The following CDKAL1 variants were observed in gnomAD, a reference collection of about 807,000 sequenced individuals.
The protein encoded by CDKAL1 is CDKAL1 threonylcarbamoyladenosine tRNA methylthiotransferase.
A neutral mutation model predicts 68.2 loss-of-function variants in CDKAL1; 32 were observed. The ratio of observed to expected loss-of-function variants is 0.47; its 90% CI spans 0.35 to 0.63. The LOEUF is 0.63. Ranked by LOEUF, CDKAL1 falls within the 30% of genes least tolerant of loss-of-function variation. CDKAL1 has a pLI of 0.00. For missense variants in CDKAL1, 606 were observed against 696.7 expected (o/e 0.87, Z 1.47); for synonymous variants, 234 against 244.3 (o/e 0.96, Z 0.39).
rs550564734 is a variant in CDKAL1, at chr6:21,189,119, G to C, written c.1300-8902G>C. ...TCTTCCTCTTACTGGGGTAGACACGGCTAGAAGAAAACCAACCAGCGTGAA... is the reference window on the plus strand; with the variant it reads ...TCTTCCTCTTACTGGGGTAGACACGCCTAGAAGAAAACCAACCAGCGTGAA... On this transcript the variant is annotated intron_variant, in intron 13 of 15. Coordinates refer to ENST00000274695, the MANE Select transcript of CDKAL1 (RefSeq NM_017774.3). 5.3e-5 allele frequency among the ~76,000 whole-genome samples: 8 copies of C among 152,324 alleles called. No homozygotes were observed. In the East Asian group the frequency reaches 1.5e-3, roughly 29 times the overall value.
intron 11 of CDKAL1, among the ~76,000 whole-genome samples, chr6:21,023,425 G>A (rs1441560042): frequency 1.3e-5 from 2 of 152,144 alleles, no homozygotes; most frequent in African/African-American, 4.8e-5. Context: ...AGGAGACTTT[G>A]AGGGCAGTGT....
chr6:20,720,286 G>T (rs527503413), intron 5 of CDKAL1, among the ~76,000 whole-genome samples: 9 of 152,094 alleles, frequency 5.9e-5, no homozygotes, highest in African/African-American at 2.2e-4. Flanking sequence ...AAAAAAATTT[G>T]CACAAATTTG....
At chr6:20,947,694 G>T (rs1213702695) in intron 9 of CDKAL1, among the ~76,000 whole-genome samples, 3 of 152,112 alleles carry the variant, frequency 2.0e-5, no homozygotes, top group Non-Finnish European at 4.4e-5. Flanking sequence ...CCTTAAACAT[G>T]CTCAGAACAC....
At chr6:21,054,417 T>C (rs1307659483) in intron 11 of CDKAL1, among the ~76,000 whole-genome samples, 2 of 152,068 alleles carry the variant, frequency 1.3e-5, no homozygotes, top group East Asian at 1.9e-4. Flanking sequence ...TTCTTCAAAA[T>C]TGTTCTGATT....
chr6:21,046,274 G>A (rs1770224412), intron 11 of CDKAL1, among the ~76,000 whole-genome samples: 1 of 152,202 alleles, frequency 6.6e-6, no homozygotes, highest in Non-Finnish European at 1.5e-5. Flanking sequence ...GATGGTTGCA[G>A]TGTCTTGATA....
intron 13 of CDKAL1, among the ~76,000 whole-genome samples, chr6:21,190,463 G>A (rs1375707858): frequency 6.6e-6 from 1 of 152,022 alleles, no homozygotes; most frequent in Non-Finnish European, 1.5e-5. Flanking sequence ...TGCCTCCCAG[G>A]TTCAAGCGAT....
intron 5 of CDKAL1, among the ~76,000 whole-genome samples, chr6:20,676,698 T>TAAATAAAATA (rs1554175380): frequency 6.2e-5 from 5 of 80,752 alleles, no homozygotes; most frequent in Non-Finnish European, 1.2e-4. Context: ...AATAAATAAA[T>TAAATAAAATA]AAATAAAATA....
intron 4 of CDKAL1, among the ~76,000 whole-genome samples, chr6:20,644,331 G>C (rs1768332905): frequency 6.6e-6 from 1 of 151,966 alleles, no homozygotes; most frequent in Non-Finnish European, 1.5e-5. Flanking sequence ...ACTATCTTTT[G>C]ATAATATTAA....
At chr6:20,911,477 A>G (rs923373322) in intron 9 of CDKAL1, among the ~76,000 whole-genome samples, 4 of 152,218 alleles carry the variant, frequency 2.6e-5, no homozygotes, top group African/African-American at 7.2e-5. Flanking sequence ...GTGCACATGA[A>G]TCAGTAATCT....
At chr6:21,048,086 C>T (rs1420676137) in intron 11 of CDKAL1, among the ~76,000 whole-genome samples, 1 of 152,132 alleles carries the variant, frequency 6.6e-6, no homozygotes, top group Non-Finnish European at 1.5e-5. Context: ...AAATTAGAGT[C>T]GTGGACCTGG....
At chr6:20,554,612 A>T (rs1763964065) in intron 4 of CDKAL1, among the ~76,000 whole-genome samples, 1 of 152,216 alleles carries the variant, frequency 6.6e-6, no homozygotes, top group Non-Finnish European at 1.5e-5. Flanking sequence ...AAGAGTTCTG[A>T]AAGAGTAGCT....
At chr6:20,958,462 G>A (rs1010257962) in intron 10 of CDKAL1, among the ~76,000 whole-genome samples, 1 of 152,140 alleles carries the variant, frequency 6.6e-6, no homozygotes, top group Non-Finnish European at 1.5e-5. Flanking sequence ...AGGGAAGGGA[G>A]CCCAAATCTG....
chr6:20,581,607 A>G (rs998669868), intron 4 of CDKAL1, among the ~76,000 whole-genome samples: 1 of 152,192 alleles, frequency 6.6e-6, no homozygotes, highest in African/African-American at 2.4e-5. Flanking sequence ...AAGTGACCCC[A>G]GTAGTGTGAC....
intron 6 of CDKAL1, among the ~76,000 whole-genome samples, chr6:20,747,425 C>G (rs1003798235): frequency 6.6e-6 from 1 of 152,156 alleles, no homozygotes; most frequent in Non-Finnish European, 1.5e-5. Flanking sequence ...TCCATAACGG[C>G]TGTACCAGTT....
chr6:20,562,023 G>A (rs1044571946), intron 4 of CDKAL1, among the ~76,000 whole-genome samples: 16 of 152,184 alleles, frequency 1.1e-4, no homozygotes, highest in Non-Finnish European at 1.5e-4. Flanking sequence ...TCAATTGGAA[G>A]CAGTAATTGC....
At chr6:21,167,831 C>A (rs1302588521) in intron 13 of CDKAL1, among the ~76,000 whole-genome samples, 1 of 152,206 alleles carries the variant, frequency 6.6e-6, no homozygotes, top group African/African-American at 2.4e-5. Flanking sequence ...AGACACAAGG[C>A]ACTGCCAGCT....
intron 4 of CDKAL1, among the ~76,000 whole-genome samples, chr6:20,566,743 A>C (rs1386822354): frequency 6.6e-6 from 1 of 152,144 alleles, no homozygotes; most frequent in East Asian, 1.9e-4. Flanking sequence ...CTAAACCTTG[A>C]GGGTTATGCA....
rs1218125898 is a variant in CDKAL1 at position 21,140,900 on chromosome 6, G to C, written c.1299+32437G>C. On this transcript the variant is annotated intron_variant, in intron 13 of 15. Transcript: ENST00000274695. ...TCCGAATCATGGCGGGAGGCAAAAGGCACTTCTTACATGGCGGCGCCAGGA... is the reference window on the plus strand; with the variant it reads ...TCCGAATCATGGCGGGAGGCAAAAGCCACTTCTTACATGGCGGCGCCAGGA... Among the ~76,000 whole-genome samples, 4 of 152,282 alleles carry C rather than the reference G, an allele frequency of 2.6e-5. No individual in the cohort carries two copies. The East Asian group carries it at 7.7e-4, about 29-fold the overall frequency.
chr6:20,783,184 C>T lies in CDKAL1; in HGVS notation c.638+1919C>T, dbSNP rs183964520. Among the ~76,000 whole-genome samples, 3 of 88,782 alleles carry T rather than the reference C, an allele frequency of 3.4e-5. No individual in the cohort carries two copies. In the East Asian group the frequency reaches 1.1e-3, roughly 33 times the overall value. The allele number at this position is 88,782 out of a possible 152,430, so 58.2% of individuals were successfully genotyped here. ...AACTCAGGCAATCCACTTGCCTTGG[C>T]CTTCAAAAATGTTGGGATTACAGGC... On this transcript the variant is annotated intron_variant, in intron 8 of 15. Coordinates refer to ENST00000274695, the MANE Select transcript of CDKAL1 (RefSeq NM_017774.3).
Sources: allele counts gnomAD v4.1 joint callset (sites outside exome capture counted in the v4.1 genomes callset), GRCh38; gene constraint gnomAD v4.1.1; transcripts MANE v1.5; gene names NCBI Gene and HGNC (gene_info 2026-07-23, HGNC 2026-07-21).